The following CDH12 variants were observed in gnomAD, a reference collection of about 807,000 sequenced individuals.
CDH12 encodes the protein cadherin-12.
CDH12 carries 41 observed loss-of-function variants against 74.1 expected under a neutral mutation model. The ratio of observed to expected loss-of-function variants is 0.55; its 90% CI spans 0.43 to 0.72. CDH12 has a LOEUF of 0.72. CDH12 is among the 30% of genes least tolerant of loss of function. The pLI is 0.00. For missense variants in CDH12, 945 were observed against 977.2 expected (o/e 0.97, Z 0.44); for synonymous variants, 399 against 355.0 (o/e 1.12, Z -1.39).
intron 5 of CDH12, among the ~76,000 whole-genome samples, chr5:21,994,876 G>A (rs1295072391): frequency 6.6e-6 from 1 of 152,150 alleles, no homozygotes; most frequent in African/African-American, 2.4e-5. Context: ...CCAATCAGCA[G>A]GATGTGGGCA....
At chr5:21,840,026 C>T (rs1749752635) in intron 8 of CDH12, among the ~76,000 whole-genome samples, 1 of 152,086 alleles carries the variant, frequency 6.6e-6, no homozygotes, top group South Asian at 2.1e-4. Flanking sequence ...GAAACTATAG[C>T]AATTTTCATC....
At chr5:21,936,061 G>A (rs945733348) in intron 6 of CDH12, among the ~76,000 whole-genome samples, 27 of 152,294 alleles carry the variant, frequency 1.8e-4, no homozygotes, top group Admixed American at 4.6e-4. Context: ...AACATGGAGT[G>A]CAGATATCTC....
At chr5:22,174,252 T>C (rs1749206686) in intron 4 of CDH12, among the ~76,000 whole-genome samples, 1 of 151,918 alleles carries the variant, frequency 6.6e-6, no homozygotes, top group Non-Finnish European at 1.5e-5. Flanking sequence ...AAGCTCTACT[T>C]CTCTTGTATT....
intron 1 of CDH12, among the ~76,000 whole-genome samples, chr5:22,529,046 C>CAT (rs911496491): frequency 1.1e-4 from 16 of 150,868 alleles, no homozygotes; most frequent in African/African-American, 3.4e-4. Context: ...CATATATATG[C>CAT]ATATACATGT....
chr5:22,479,548 G>A (rs1192236312), intron 2 of CDH12, among the ~76,000 whole-genome samples: 1 of 152,106 alleles, frequency 6.6e-6, no homozygotes, highest in Non-Finnish European at 1.5e-5. Flanking sequence ...GGTGAGGGAG[G>A]GCTCTCCAGC....
Position 21,833,334 on chromosome 5 carries a change from TATTATATAAC to T in CDH12, c.814+8817_814+8826del, listed in dbSNP as rs1396440978. 3.3e-4 allele frequency among the ~76,000 whole-genome samples: 21 copies of T among 64,476 alleles called. 1 individual carries two copies. The highest frequency in any genetic ancestry group is 4.3e-4 in the Non-Finnish European group (19 of 44,084). The allele number at this position is 64,476 out of a possible 152,430, so 42.3% of individuals were successfully genotyped here. A position where few individuals can be genotyped will look rare whatever the true frequency, so the allele number is the denominator to read the frequency against. ...TATATGTTATATAATATATATTATA[TATTATATAAC>T]ATATAATATATATTATATATTATAT... is the stretch of plus-strand genomic sequence containing the variant. On this transcript the variant is annotated intron_variant, in intron 8 of 14. Transcript: ENST00000382254.
chr5:22,716,443 G>A (rs1743582349), intron 1 of CDH12, among the ~76,000 whole-genome samples: 1 of 151,996 alleles, frequency 6.6e-6, no homozygotes, highest in Non-Finnish European at 1.5e-5. Flanking sequence ...TGTTTGTGAG[G>A]ATGCTGGTGT....
chr5:22,237,376 C>T (rs180976544), intron 3 of CDH12, among the ~76,000 whole-genome samples: 36 of 151,292 alleles, frequency 2.4e-4, no homozygotes, highest in African/African-American at 8.7e-4. Context: ...GTTTGTGTAC[C>T]CCCAAATTCA....
chr5:22,270,370 C>T lies in CDH12; in HGVS notation c.-332-57727G>A, dbSNP rs138980441. The stretch of plus-strand genomic sequence containing the variant: ...CAGCCCTTTGGGAGGCTGAGGTGGG[C>T]GGATCATGAGGTCTGGAGATCGAGA... On this transcript the variant is annotated intron_variant, in intron 3 of 14. Transcript: ENST00000382254. 3.9e-3 allele frequency among the ~76,000 whole-genome samples: 594 copies of T among 151,982 alleles called. 5 individuals are homozygous for T. Among genetic ancestry groups the T allele is most frequent in the African/African-American group, 0.014 (567 of 41,508 alleles).
intron 5 of CDH12, among the ~76,000 whole-genome samples, chr5:22,042,917 T>C (rs1739679006): frequency 6.9e-6 from 1 of 143,984 alleles, no homozygotes; most frequent in African/African-American, 2.7e-5. Flanking sequence ...AAAAAATTCA[T>C]AATAGACCTA....
intron 1 of CDH12, among the ~76,000 whole-genome samples, chr5:22,741,478 G>A (rs1301342835): frequency 6.6e-6 from 1 of 152,146 alleles, no homozygotes; most frequent in African/African-American, 2.4e-5. Flanking sequence ...TAAATGGTAA[G>A]TTTTGTTGTT....
chr5:22,256,524 T>G (rs1580453018), intron 3 of CDH12, among the ~76,000 whole-genome samples: 2 of 152,196 alleles, frequency 1.3e-5, no homozygotes, highest in East Asian at 3.8e-4. Context: ...TACTTTCTAT[T>G]ATTATTTTAG....
chr5:22,618,410 A>G (rs1737795095), intron 1 of CDH12, among the ~76,000 whole-genome samples: 1 of 152,092 alleles, frequency 6.6e-6, no homozygotes, highest in Non-Finnish European at 1.5e-5. Flanking sequence ...AATGGCAGCA[A>G]TTGCCGATGT....
chr5:22,660,365 A>C (rs779962347), intron 1 of CDH12, among the ~76,000 whole-genome samples: 3 of 152,236 alleles, frequency 2.0e-5, no homozygotes, highest in Non-Finnish European at 2.9e-5. Context: ...AAGAATTTAT[A>C]TGCCTCACTA....
intron 5 of CDH12, among the ~76,000 whole-genome samples, chr5:22,069,948 T>A (rs950219832): frequency 6.6e-6 from 1 of 152,174 alleles, no homozygotes; most frequent in Non-Finnish European, 1.5e-5. Context: ...CCAGCTGAGT[T>A]GCTTGCTGAC....
At chr5:22,838,268 C>T (rs1013485664) in intron 1 of CDH12, among the ~76,000 whole-genome samples, 2 of 152,028 alleles carry the variant, frequency 1.3e-5, no homozygotes, top group African/African-American at 4.8e-5. Context: ...TTATGAGCAC[C>T]CTATCATGGT....
intron 5 of CDH12, among the ~76,000 whole-genome samples, chr5:22,036,949 T>A (rs1466998751): frequency 6.6e-6 from 1 of 152,222 alleles, no homozygotes; most frequent in Non-Finnish European, 1.5e-5. Flanking sequence ...AAGTATGGAA[T>A]AAAAATTAAT....
At chr5:21,780,380 T>G (rs192451668) in intron 11 of CDH12, among the ~76,000 whole-genome samples, 18 of 152,324 alleles carry the variant, frequency 1.2e-4, no homozygotes, top group African/African-American at 3.8e-4. Context: ...AAGGAGACAC[T>G]AGACCTTATC....
intron 3 of CDH12, among the ~76,000 whole-genome samples, chr5:22,310,462 C>CAAAAA (rs33959662): frequency 3.1e-4 from 43 of 138,800 alleles, no homozygotes; most frequent in East Asian, 1.1e-3. Context: ...GACTCTGTCT[C>CAAAAA]AAAAAAAAAA....
Sources: gnomAD v4.1 joint callset for allele counts (sites outside exome capture counted in the v4.1 genomes callset) on GRCh38, gnomAD v4.1.1 for gene constraint, MANE v1.5 for transcripts, NCBI Gene and HGNC (gene_info 2026-07-23, HGNC 2026-07-21) for gene names.